The following TLCD3A variants were observed in gnomAD, a reference collection of about 807,000 sequenced individuals.
TLCD3A encodes TLC domain containing 3A.
Under a neutral mutation model 29.9 loss-of-function variants are expected in TLCD3A, and 17 were observed. The ratio of observed to expected loss-of-function variants is 0.57; its 90% CI spans 0.39 to 0.85. TLCD3A has a LOEUF of 0.85. TLCD3A is among the 40% of genes least tolerant of loss of function. The pLI, the probability that TLCD3A is intolerant of heterozygous loss-of-function variation, is 0.00. For missense variants in TLCD3A, 332 were observed against 350.8 expected, an observed-to-expected ratio of 0.95 and a Z score of 0.43; for synonymous variants, 143 against 147.7, an observed-to-expected ratio of 0.97 and a Z score of 0.23.
intron 1 of TLCD3A, 140 bp downstream of exon 1, chr17:732,909 C>T (rs1974093826): frequency 2.9e-6 from 4 of 1,370,150 alleles, no homozygotes; most frequent in Middle Eastern, 2.6e-4. Flanking sequence ...GCCCGAGTTT[C>T]CGAAGCCCCT....
rs375645891 is a variant in TLCD3A at position 737,901 on chromosome 17, T to C, written c.262T>C (p.Ser88Pro). ...TCTGATTCCATACATGATCTATGACTCGTACGCCATGTACCTCTGTGAATG... is the reference window on the plus strand; with the variant it reads ...TCTGATTCCATACATGATCTATGACCCGTACGCCATGTACCTCTGTGAATG... ...WFLIPYMIYD[S>P]YAMYLCEWCR... is the part of the protein sequence containing the mutation. Residue 88 changes from serine (S) to proline (P), a missense_variant, in exon 3 of 5, where the codon TCG (serine) becomes CCG (proline). By Grantham distance (74) the Ser-to-Pro change is moderately conservative. Transcript: ENST00000308278. 1.9e-6 allele frequency: 3 copies of C among 1,613,936 alleles called. No homozygotes were observed. Among genetic ancestry groups the C allele is most frequent in the Non-Finnish European group, 2.5e-6 (3 of 1,180,014 alleles).
rs79501897 is a variant in TLCD3A at position 740,488 on chromosome 17, C to T, written c.409-17C>T. The T allele has an allele frequency of 0.01, 16,165 of 1,602,716 alleles. 206 individuals carry two copies. The highest frequency in any genetic ancestry group is 0.071 in the East Asian group (3,180 of 44,828). On this transcript the variant is annotated splice_polypyrimidine_tract_variant and intron_variant, in intron 3 of 4. Transcript: ENST00000308278. ...TTAACCTCCACTTACTTCCCCTTTT[C>T]GTTTCGTCATCCGCAGAGGCTCCGG...
intron 3 of TLCD3A, among the ~76,000 whole-genome samples, chr17:739,338 G>A (rs34623718): frequency 0.13 from 19,315 of 152,058 alleles, 1,550 homozygotes; most frequent in Middle Eastern, 0.2. Context: ...ACAGATGCAC[G>A]CCACCATGCC....
rs1217939000 is a variant in TLCD3A, at chr17:742,665, G to GC, written c.*1100dup. ...GGCTGTCCCGTGGACCGACACCTGC[G>GC]CCCCCTTCTGCAAGCAGGATTTTCT... On this transcript the variant is annotated 3_prime_UTR_variant, in exon 5 of 5. Coordinates refer to ENST00000308278, the MANE Select transcript of TLCD3A (RefSeq NM_024792.3). The GC allele has an allele frequency of 6.6e-6, 1 of 152,460 alleles. No homozygotes were observed. Among genetic ancestry groups the GC allele is most frequent in the Non-Finnish European group, 1.5e-5 (1 of 68,048 alleles). 9.4% of individuals were successfully genotyped at this position (152,460 alleles called of 1,614,324 possible).
In TLCD3A at chr17:741,397, T is replaced by C. The variant is rs1974251376; in HGVS notation, c.601T>C (p.Trp201Arg). 1 of 1,614,126 alleles carries C rather than the reference T, an allele frequency of 6.2e-7. No homozygotes were observed. The highest frequency in any genetic ancestry group is 8.5e-7 in the Non-Finnish European group (1 of 1,180,040). Residue 201 changes from tryptophan to arginine, a missense_variant, in exon 5 of 5, where the codon TGG becomes CGG. By Grantham distance (101) the Trp-to-Arg change is moderately radical (BLOSUM62 -3). Transcript: ENST00000308278. ...GATCCTTCTCTTCCCCTTCATGTAC[T>C]GGTCCTATGGCCGCCAGCAGGGACT... The part of the protein sequence containing the change: ...CRILLFPFMY[W>R]SYGRQQGLSL...
chr17:735,551 A>C (rs1974141279), intron 2 of TLCD3A, among the ~76,000 whole-genome samples: 1 of 152,228 alleles, frequency 6.6e-6, no homozygotes, highest in African/African-American at 2.4e-5. Flanking sequence ...GGGAGAGGCC[A>C]GTTATATTTC....
chr17:736,271 G>A (rs1375105241), intron 2 of TLCD3A, among the ~76,000 whole-genome samples: 3 of 152,208 alleles, frequency 2.0e-5, no homozygotes, highest in Admixed American at 6.5e-5. Flanking sequence ...AACAAGCACT[G>A]CAGGTGATTC....
At chr17:738,096 C>A in intron 3 of TLCD3A, 49 bp downstream of exon 3, 65 of 501,812 alleles carry the variant, frequency 1.3e-4, no homozygotes, top group Non-Finnish European at 1.9e-4. Context: ...AGCTGGGTGT[C>A]TTTTTTTTTT....
At chr17:740,384 C>T in intron 3 of TLCD3A, 121 bp from the exon 4 acceptor site, 1 of 757,144 alleles carries the variant, frequency 1.3e-6, no homozygotes. Context: ...GTAGTCTGCG[C>T]TTGCCTATTG....
At chr17:740,782 T>C (rs954403894) in intron 4 of TLCD3A, among the ~76,000 whole-genome samples, 182 bp downstream of exon 4, 1 of 152,186 alleles carries the variant, frequency 6.6e-6, no homozygotes, top group Non-Finnish European at 1.5e-5. Context: ...GATTCAGGCA[T>C]GCATGAATGA....
At chr17:734,768 G>C (rs941760079) in intron 2 of TLCD3A, among the ~76,000 whole-genome samples, 5 of 152,206 alleles carry the variant, frequency 3.3e-5, no homozygotes, top group African/African-American at 1.2e-4. Flanking sequence ...CAAGGATTTA[G>C]TCAGATTCTT....
chr17:739,738 C>A (rs1175145263), intron 3 of TLCD3A, among the ~76,000 whole-genome samples: 2 of 152,242 alleles, frequency 1.3e-5, no homozygotes, highest in Non-Finnish European at 2.9e-5. Flanking sequence ...TCTTATATCT[C>A]TCAGTGGTAC....
chr17:739,173 G>T (rs896182644), intron 3 of TLCD3A, among the ~76,000 whole-genome samples: 5 of 147,012 alleles, frequency 3.4e-5, no homozygotes, highest in African/African-American at 1.0e-4. Flanking sequence ...GAAGGCATGC[G>T]TTTTTTTTTT....
chr17:736,091 G>A (rs902995544), intron 2 of TLCD3A, among the ~76,000 whole-genome samples: 2 of 151,546 alleles, frequency 1.3e-5, no homozygotes, highest in African/African-American at 2.4e-5. Context: ...TATTTACGCC[G>A]TGGTAAGTGT....
rs201556044 is a variant in TLCD3A at position 740,608 on chromosome 17, T to C, written c.504+8T>C. On this transcript the variant is annotated splice_region_variant and intron_variant, in intron 4 of 4. Transcript: ENST00000308278. ...GGCAGGGTTCTGATTCAGGCATGTA[T>C]GAATGAAATGACAGAGAGTGTGAGG... 6.2e-7 allele frequency: 1 copy of C among 1,608,044 alleles called. No individual in the cohort carries two copies. The highest frequency in any genetic ancestry group is 8.5e-7 in the Non-Finnish European group (1 of 1,175,082).
chr17:738,094 G>GTTTTTTTTT (rs200758501), intron 3 of TLCD3A, 47 bp downstream of exon 3: 97 of 428,706 alleles, frequency 2.3e-4, no homozygotes, highest in African/African-American at 8.8e-4. Flanking sequence ...TGAGCTGGGT[G>GTTTTTTTTT]TCTTTTTTTT....
Position 737,839 on chromosome 17 carries a change from C to G in TLCD3A, c.207-7C>G, listed in dbSNP as rs773322401. 7.4e-6 allele frequency: 12 copies of G among 1,613,974 alleles called. No individual in the cohort carries two copies. Among genetic ancestry groups the G allele is most frequent in the Admixed American group, 5.0e-5 (3 of 60,018 alleles). On this transcript the variant is annotated splice_region_variant and splice_polypyrimidine_tract_variant and intron_variant, in intron 2 of 4. Transcript: ENST00000308278. ...ATTTCACGGGCCATTCATATGCTTT[C>G]TTTCAGGCACTGGCTTGCCCGGGAA...
chr17:742,916 G>C lies in TLCD3A; in HGVS notation c.*1346G>C, dbSNP rs983020315. The C allele has an allele frequency of 1.3e-5, 2 of 151,938 alleles. No individual in the cohort carries two copies. The highest frequency in any genetic ancestry group is 4.8e-5 in the African/African-American group (2 of 41,322). The allele number at this position is 151,938 out of a possible 1,614,324, so 9.4% of individuals were successfully genotyped here. ...AATTGTCTTTTTTTTTTAACTATCA[G>C]TGTATCTTTAAAAGTCACCCTTACG... On this transcript the variant is annotated 3_prime_UTR_variant, in exon 5 of 5. Transcript: ENST00000308278.
intron 3 of TLCD3A, among the ~76,000 whole-genome samples, 178 bp from the exon 4 acceptor site, chr17:740,327 T>G (rs71357103): frequency 0.12 from 18,059 of 152,282 alleles, 1,401 homozygotes; most frequent in Middle Eastern, 0.19. Flanking sequence ...CTCTGGATCC[T>G]AGGGCTTGGA....
Sources: allele counts gnomAD v4.1 joint callset (sites outside exome capture counted in the v4.1 genomes callset), GRCh38; gene constraint gnomAD v4.1.1; transcripts MANE v1.5; gene names NCBI Gene and HGNC (gene_info 2026-07-23, HGNC 2026-07-21).